Variants in RBM45 observed in about 807,000 individuals in gnomAD.
The protein encoded by RBM45 is RNA binding motif protein 45, also known as RNA-binding protein 45.
Under a neutral mutation model 58.5 loss-of-function variants are expected in RBM45, and 39 were observed. That is an observed-to-expected ratio of 0.67 (90% CI 0.52 to 0.87). The LOEUF (loss-of-function observed/expected upper bound fraction) is 0.87, where lower values mean the gene tolerates loss of function less well. RBM45 is among the 40% of genes least tolerant of loss of function. The pLI is 0.00. For missense variants in RBM45, 481 were observed against 581.6 expected (o/e 0.83, Z 1.78); for synonymous variants, 193 against 203.0 (o/e 0.95, Z 0.42).
chr2:178,114,213 C>T (rs2087740220), intron 1 of RBM45, among the ~76,000 whole-genome samples: 3 of 152,210 alleles, frequency 2.0e-5, no homozygotes, highest in Admixed American at 6.5e-5. Flanking sequence ...ATTATTACAT[C>T]ATGGGCTATA....
intron 2 of RBM45, among the ~76,000 whole-genome samples, chr2:178,116,758 T>C (rs978608922): frequency 1.3e-5 from 2 of 151,980 alleles, no homozygotes; most frequent in Non-Finnish European, 2.9e-5. Flanking sequence ...TCTTTAAAAT[T>C]TCAAAGCACG....
At chr2:178,120,263 T>A (rs753381587) in intron 3 of RBM45, 24 bp from the exon 4 acceptor site, 1 of 1,611,474 alleles carries the variant, frequency 6.2e-7, no homozygotes, top group East Asian at 2.2e-5. Context: ...GCTGTGAAAC[T>A]TGAAATTCAT....
downstream of RBM45, among the ~76,000 whole-genome samples, chr2:178,132,686 G>A (rs2088014594): frequency 6.6e-6 from 1 of 152,138 alleles, no homozygotes; most frequent in Admixed American, 6.6e-5. Flanking sequence ...CACCTCCCGG[G>A]TTCAAGCGAT....
At chr2:178,122,658 G>T (rs566446472) in intron 5 of RBM45, among the ~76,000 whole-genome samples, 1 of 151,762 alleles carries the variant, frequency 6.6e-6, no homozygotes, top group Admixed American at 6.6e-5. Flanking sequence ...CTCCTGTTTT[G>T]TTTCTCTGGT....
At chr2:178,138,097 T>C (rs761596961) in exon 4 of RBM45, 4 of 152,164 alleles carry the variant, frequency 2.6e-5, no homozygotes, top group Non-Finnish European at 5.9e-5. Context: ...ATTGAATCCA[T>C]GATGAACAGT....
Position 178,123,653 on chromosome 2 carries a change from T to C in RBM45, c.983+2T>C, listed in dbSNP as rs1212514823. The C allele has an allele frequency of 1.2e-6, 2 of 1,602,324 alleles. No individual in the cohort carries two copies. The highest frequency in any genetic ancestry group is 2.3e-5 in the South Asian group (2 of 88,116). On this transcript the variant is annotated splice_donor_variant, in intron 6 of 9. Transcript: ENST00000286070. LOFTEE classifies it high-confidence loss of function. Reference sequence around the variant, plus strand: ...TGATGATGGAAGTAATGCAACAGAGTAAGTACCATTCCAGGAGTGTCTAAA... The same window carrying C: ...TGATGATGGAAGTAATGCAACAGAGCAAGTACCATTCCAGGAGTGTCTAAA...
At chr2:178,130,391 G>A (rs2087993838), downstream of RBM45, among the ~76,000 whole-genome samples, 1 of 152,032 alleles carries the variant, frequency 6.6e-6, no homozygotes, top group Non-Finnish European at 1.5e-5. Flanking sequence ...CAGGCGTGGT[G>A]GTGTGTGCCT....
chr2:178,134,409 C>G (rs1258073426), downstream of RBM45, among the ~76,000 whole-genome samples: 4 of 152,164 alleles, frequency 2.6e-5, no homozygotes, highest in Admixed American at 1.3e-4. Context: ...AAACTACGTT[C>G]TCTGAATTCT....
intron 3 of RBM45, among the ~76,000 whole-genome samples, chr2:178,119,338 G>A (rs2087818736): frequency 6.6e-6 from 1 of 152,208 alleles, no homozygotes; most frequent in South Asian, 2.1e-4. Context: ...CTGGTGTCGA[G>A]GAGGCAGGAC....
chr2:178,124,099 C>A, intron 7 of RBM45, 28 bp from the exon 8 acceptor site: 2 of 1,566,782 alleles, frequency 1.3e-6, no homozygotes. Flanking sequence ...GCATTTTTTT[C>A]TTTTTCTTGT....
intron 9 of RBM45, among the ~76,000 whole-genome samples, chr2:178,126,845 TTTTA>T (rs1380632534): frequency 2.6e-5 from 4 of 152,222 alleles, no homozygotes; most frequent in Non-Finnish European, 5.9e-5. Context: ...CCATTTCCTA[TTTTA>T]TTTATTAGTT....
At chr2:178,131,506 C>T (rs1380814917), downstream of RBM45, among the ~76,000 whole-genome samples, 1 of 152,174 alleles carries the variant, frequency 6.6e-6, no homozygotes, top group Non-Finnish European at 1.5e-5. Flanking sequence ...CCTGGCCAGC[C>T]CTCCACATTC....
chr2:178,128,932 G>A (rs964906193), intron 9 of RBM45, among the ~76,000 whole-genome samples: 1 of 152,092 alleles, frequency 6.6e-6, no homozygotes, highest in East Asian at 1.9e-4. Context: ...TTTGGGGTAG[G>A]TGCACTTTTT....
exon 4 of RBM45, chr2:178,136,902 C>G (rs1201976600): frequency 2.0e-5 from 3 of 152,110 alleles, no homozygotes; most frequent in African/African-American, 7.2e-5. Flanking sequence ...TGCAATTGGC[C>G]TAGATAAACT....
chr2:178,116,236 T>C, intron 1 of RBM45, 26 bp from the exon 2 acceptor site: 1 of 1,546,592 alleles, frequency 6.5e-7, no homozygotes, highest in Non-Finnish European at 8.7e-7. Context: ...CATTATTTTA[T>C]TTTGGGAGTT....
At position 178,112,816 on chromosome 2, in the gene RBM45, C is replaced by G; in HGVS notation, c.270C>G (p.Cys90Trp). 1 of 1,611,654 alleles carries G rather than the reference C, an allele frequency of 6.2e-7. No individual in the cohort carries two copies. Residue 90 changes from cysteine to tryptophan, a missense_variant, in exon 1 of 10, where the codon TGC (cysteine) becomes TGG (tryptophan). By Grantham distance (215) the Cys-to-Trp change is radical (BLOSUM62 -2). Coordinates refer to ENST00000286070, the MANE Select transcript of RBM45 (RefSeq NM_152945.4). Reference protein sequence around the residue: ...CRAMEEMHGQCLGPNDTKPIK... With the variant: ...CRAMEEMHGQWLGPNDTKPIK... ...CCATGGAGGAGATGCATGGCCAGTG[C>G]CTCGGCCCCAACGACACCAAGCCCA... is the stretch of plus-strand genomic sequence containing the variant.
intron 1 of RBM45, among the ~76,000 whole-genome samples, chr2:178,113,544 G>A (rs1203009458): frequency 6.6e-6 from 1 of 152,194 alleles, no homozygotes; most frequent in Admixed American, 6.5e-5. Flanking sequence ...GCAGACCAAA[G>A]TAAACTGCCT....
chr2:178,132,786 C>G (rs1361083515), downstream of RBM45, among the ~76,000 whole-genome samples: 2 of 152,110 alleles, frequency 1.3e-5, no homozygotes, highest in African/African-American at 4.8e-5. Context: ...GACAGTTTCT[C>G]CATGTTGGTC....
chr2:178,119,243 A>G (rs1322810961), intron 3 of RBM45, among the ~76,000 whole-genome samples: 1 of 152,226 alleles, frequency 6.6e-6, no homozygotes, highest in Non-Finnish European at 1.5e-5. Flanking sequence ...AAAAATGTTC[A>G]TAAGTGTATG....
Sources: allele counts gnomAD v4.1 joint callset (sites outside exome capture counted in the v4.1 genomes callset), GRCh38; gene constraint gnomAD v4.1.1; transcripts MANE v1.5; gene names NCBI Gene and HGNC (gene_info 2026-07-23, HGNC 2026-07-21).